Variants in VPS13B observed in about 807,000 individuals in gnomAD.
VPS13B encodes intermembrane lipid transfer protein VPS13B.
Under a neutral mutation model 426.4 loss-of-function variants are expected in VPS13B, and 285 were observed. That is an observed-to-expected ratio of 0.67 (90% CI 0.61 to 0.74). The LOEUF is 0.74. VPS13B is among the 30% of genes least tolerant of loss of function. The pLI is 0.00. For missense variants in VPS13B, 4,537 were observed against 4,782.6 expected (o/e 0.95, Z 1.51); for synonymous variants, 1,676 against 1,676.4 (o/e 1.00, Z 0.01).
At chr8:99,464,581 C>G (rs143673506) in intron 23 of VPS13B, among the ~76,000 whole-genome samples, 158 of 152,220 alleles carry the variant, frequency 1.0e-3, no homozygotes, top group African/African-American at 3.5e-3. Context: ...GTCATGTAAA[C>G]CATAATCTTT....
chr8:99,397,823 T>C (rs2133327518), intron 21 of VPS13B, among the ~76,000 whole-genome samples: 1 of 152,336 alleles, frequency 6.6e-6, no homozygotes, highest in South Asian at 2.1e-4. Context: ...CCAGAAGTTG[T>C]ACACCCCATT....
intron 39 of VPS13B, among the ~76,000 whole-genome samples, chr8:99,726,466 A>T (rs952188941): frequency 1.3e-5 from 2 of 152,332 alleles, no homozygotes; most frequent in Admixed American, 1.3e-4. Flanking sequence ...TTGGAAATGC[A>T]TATGTTCCCA....
At chr8:99,636,217 CAG>C (rs1414727855) in intron 33 of VPS13B, among the ~76,000 whole-genome samples, 2 of 151,968 alleles carry the variant, frequency 1.3e-5, no homozygotes, top group African/African-American at 4.8e-5. Context: ...CATAAAATTT[CAG>C]AGTCCTATAC....
chr8:99,803,997 T>G (rs1813265518), intron 43 of VPS13B, among the ~76,000 whole-genome samples: 1 of 152,244 alleles, frequency 6.6e-6, no homozygotes, highest in Non-Finnish European at 1.5e-5. Context: ...GACTTGGCGT[T>G]TAATCTAATA....
chr8:99,108,610 G>A (rs1324966043), intron 5 of VPS13B, among the ~76,000 whole-genome samples: 1 of 151,978 alleles, frequency 6.6e-6, no homozygotes, highest in Non-Finnish European at 1.5e-5. Flanking sequence ...TCATTTCTGG[G>A]TTTTTGATTT....
intron 33 of VPS13B, among the ~76,000 whole-genome samples, chr8:99,587,927 T>A (rs1419312265): frequency 2.0e-5 from 3 of 151,822 alleles, no homozygotes; most frequent in Non-Finnish European, 2.9e-5. Context: ...AATGCCTAGG[T>A]TTTCTTCTAG....
chr8:99,038,305 CAAT>C (rs1192580467), intron 2 of VPS13B, 115 bp from the exon 3 acceptor site: 1 of 818,030 alleles, frequency 1.2e-6, no homozygotes, highest in South Asian at 2.2e-5. Context: ...AAGCACTAAA[CAAT>C]AAGTCTCTGA....
At chr8:99,334,982 G>T (rs1261728468) in intron 19 of VPS13B, among the ~76,000 whole-genome samples, 2 of 152,070 alleles carry the variant, frequency 1.3e-5, no homozygotes, top group South Asian at 2.1e-4. Context: ...AAATCCATCT[G>T]GTCCTGGACT....
At chr8:99,832,290 G>A (rs1261706881) in intron 51 of VPS13B, 79 bp from the exon 52 acceptor site, 1 of 1,426,750 alleles carries the variant, frequency 7.0e-7, no homozygotes. Context: ...AAGAAGATAT[G>A]CTTTAAAAAG....
chr8:99,761,134 T>A (rs77609205), intron 39 of VPS13B, among the ~76,000 whole-genome samples: 13,356 of 152,280 alleles, frequency 0.088, 1,041 homozygotes, highest in African/African-American at 0.21. Flanking sequence ...TTTCATTTGG[T>A]GTGAATTTAT....
chr8:99,032,068 G>T (rs576140552), intron 2 of VPS13B, among the ~76,000 whole-genome samples: 232 of 152,284 alleles, frequency 1.5e-3, no homozygotes, highest in African/African-American at 5.1e-3. Flanking sequence ...TATCCACAGT[G>T]GTCATGGGGA....
intron 35 of VPS13B, among the ~76,000 whole-genome samples, chr8:99,666,488 GCAAGGTTGGTT>G (rs1487520855): frequency 6.6e-6 from 1 of 152,184 alleles, no homozygotes; most frequent in Non-Finnish European, 1.5e-5. Flanking sequence ...TCCCTGGGAT[GCAAGGTTGGTT>G]CAACATACAC....
At chr8:99,094,649 T>C (rs1316498059) in intron 3 of VPS13B, among the ~76,000 whole-genome samples, 2 of 152,172 alleles carry the variant, frequency 1.3e-5, no homozygotes, top group Non-Finnish European at 2.9e-5. Flanking sequence ...CCTTTTATTG[T>C]ATATTTCTCT....
At position 99,717,367 on chromosome 8, in the gene VPS13B, A is replaced by G. The variant is rs754703329; in HGVS notation, c.6651A>G (p.Leu2217=). ...PKISIDLRGG[L]LQVFWGQEHL... is the part of the protein sequence containing the mutation. ...TATCCATTGACTTAAGAGGAGGTCT[A>G]CTACAGGTCTGTGGGTATTGGCCAT... Residue 2217 remains leucine, a synonymous_variant, in exon 37 of 62, where the codon CTA becomes CTG. Coordinates refer to ENST00000357162, the MANE Select transcript of VPS13B (RefSeq NM_152564.5). The G allele has an allele frequency of 3.7e-6, 6 of 1,613,812 alleles. No individual in the cohort carries two copies. The highest frequency in any genetic ancestry group is 4.5e-5 in the East Asian group (2 of 44,876).
chr8:99,174,446 C>T (rs575854884), intron 16 of VPS13B, among the ~76,000 whole-genome samples: 99 of 152,278 alleles, frequency 6.5e-4, no homozygotes, highest in African/African-American at 2.2e-3. Context: ...GTTCCAATTT[C>T]TCCATATTTT....
Position 99,875,949 on chromosome 8 carries a change from G to GAT in VPS13B, c.*285_*286dup, listed in dbSNP as rs1817679865. ...CTTATTTACATCCTTACCTCTAAAA[G>GAT]ATACTTCAAAGTGACAAAAACGTGT... On this transcript the variant is annotated 3_prime_UTR_variant, in exon 62 of 62. Transcript: ENST00000357162. The GAT allele has an allele frequency of 2.2e-6, 1 of 454,930 alleles. No homozygotes were observed. The highest frequency in any genetic ancestry group is 4.0e-6 in the Non-Finnish European group (1 of 249,866). The allele number at this position is 454,930 out of a possible 1,614,324, so 28.2% of individuals were successfully genotyped here. A position where few individuals can be genotyped will look rare whatever the true frequency, so the allele number is the denominator to read the frequency against.
intron 19 of VPS13B, chr8:99,340,262 C>G (rs1811168831): frequency 4.5e-6 from 1 of 219,834 alleles, no homozygotes; most frequent in Admixed American, 5.9e-5. Context: ...ACCCAGAGTG[C>G]AGAGCTAGAT....
intron 34 of VPS13B, among the ~76,000 whole-genome samples, chr8:99,659,629 C>T (rs1286825185): frequency 6.6e-5 from 10 of 152,204 alleles, no homozygotes. Flanking sequence ...TAACCATTCT[C>T]AGCGCCATGT....
At chr8:99,408,839 G>T (rs1815467803) in intron 21 of VPS13B, among the ~76,000 whole-genome samples, 1 of 152,106 alleles carries the variant, frequency 6.6e-6, no homozygotes. Context: ...AGAAAACTGA[G>T]AAAGAGCTAC....
Sources: allele counts gnomAD v4.1 joint callset (sites outside exome capture counted in the v4.1 genomes callset), GRCh38; gene constraint gnomAD v4.1.1; transcripts MANE v1.5; gene names NCBI Gene and HGNC (gene_info 2026-07-23, HGNC 2026-07-21).